FRYL: variants seen among roughly 807,000 people sequenced by gnomAD.
FRYL encodes the protein protein furry homolog-like.
Under a neutral mutation model 351.2 loss-of-function variants are expected in FRYL, and 150 were observed. The observed-to-expected ratio is 0.43, with a 90% CI of 0.37 to 0.49. The LOEUF (loss-of-function observed/expected upper bound fraction) is 0.49. FRYL is among the 20% of genes least tolerant of loss of function. The pLI is 0.00. For missense variants in FRYL, 3,036 were observed against 3,619.3 expected, an observed-to-expected ratio of 0.84 and a Z score of 4.13; for synonymous variants, 1,153 against 1,257.1, an observed-to-expected ratio of 0.92 and a Z score of 1.75.
At chr4:48,538,720 T>C (rs1472557182) in intron 47 of FRYL, among the ~76,000 whole-genome samples, 2 of 150,080 alleles carry the variant, frequency 1.3e-5, no homozygotes, top group African/African-American at 4.9e-5. Context: ...AAAACTTCCT[T>C]TTTTTTTTTC....
In FRYL at chr4:48,778,613, G is replaced by A. The variant is rs151091832; in HGVS notation, c.-384+1465C>T. On this transcript the variant is annotated intron_variant, in intron 1 of 63. Transcript: ENST00000358350. ...TTCACTAAGGCCTCTAACAAGGAATGTGCTATCTCTGATTTCCTCGGCAAG... is the reference window on the plus strand; with the variant it reads ...TTCACTAAGGCCTCTAACAAGGAATATGCTATCTCTGATTTCCTCGGCAAG... Among the ~76,000 whole-genome samples the A allele has an allele frequency of 2.6e-5, 4 of 152,338 alleles. No individual in the cohort carries two copies. The East Asian group carries it at 7.7e-4, about 29-fold the overall frequency.
chr4:48,578,877 C>A (rs1389358482), intron 23 of FRYL, 96 bp downstream of exon 23: 3 of 1,029,916 alleles, frequency 2.9e-6, no homozygotes, highest in South Asian at 1.6e-5. Flanking sequence ...TATTTATGGG[C>A]CTTCCAATCT....
intron 2 of FRYL, among the ~76,000 whole-genome samples, chr4:48,707,919 C>T (rs1171429367): frequency 6.6e-6 from 1 of 151,040 alleles, no homozygotes; most frequent in East Asian, 2.0e-4. Context: ...CTCCTGGGTT[C>T]AATTGATTCT....
chr4:48,592,672 CTTTA>C (rs1743677464), intron 16 of FRYL, among the ~76,000 whole-genome samples: 1 of 152,004 alleles, frequency 6.6e-6, no homozygotes, highest in African/African-American at 2.4e-5. Context: ...TAAATAAGAG[CTTTA>C]TTTTTTTCCT....
chr4:48,641,474 G>A (rs550019212), intron 3 of FRYL, among the ~76,000 whole-genome samples: 217 of 152,222 alleles, frequency 1.4e-3, no homozygotes, highest in African/African-American at 5.2e-3. Context: ...CAAAAGGCAG[G>A]GGAGAGGGTC....
chr4:48,716,747 T>C (rs1429996672), intron 1 of FRYL, among the ~76,000 whole-genome samples: 1 of 151,504 alleles, frequency 6.6e-6, no homozygotes, highest in Non-Finnish European at 1.5e-5. Context: ...AGAAATACCA[T>C]TTGACCTGGC....
intron 50 of FRYL, among the ~76,000 whole-genome samples, chr4:48,530,148 A>G (rs528954560): frequency 1.3e-5 from 2 of 152,252 alleles, no homozygotes; most frequent in East Asian, 1.9e-4. Flanking sequence ...CAACATGTCC[A>G]AGACGGAACT....
chr4:48,755,422 T>C (rs534281683), intron 1 of FRYL, among the ~76,000 whole-genome samples: 59 of 152,350 alleles, frequency 3.9e-4, no homozygotes, highest in African/African-American at 1.3e-3. Context: ...TTCTCTCCAG[T>C]TGTCACCAAT....
At chr4:48,646,768 A>G (rs1756564379) in intron 3 of FRYL, among the ~76,000 whole-genome samples, 2 of 152,164 alleles carry the variant, frequency 1.3e-5, no homozygotes, top group African/African-American at 4.8e-5. Context: ...CTATCAGAAG[A>G]GCTACAGCCA....
intron 3 of FRYL, among the ~76,000 whole-genome samples, chr4:48,649,288 A>C (rs960530469): frequency 2.6e-5 from 4 of 152,174 alleles, no homozygotes; most frequent in African/African-American, 9.7e-5. Context: ...AACTTTTCTC[A>C]TTGTGCAAAA....
chr4:48,779,515 C>T (rs764015618), intron 1 of FRYL, among the ~76,000 whole-genome samples: 64 of 151,896 alleles, frequency 4.2e-4, no homozygotes, highest in Non-Finnish European at 9.1e-4. Flanking sequence ...CGCGCTCCGC[C>T]GGTCCCCGCC....
At chr4:48,763,326 A>G (rs1774605760) in intron 1 of FRYL, among the ~76,000 whole-genome samples, 1 of 151,538 alleles carries the variant, frequency 6.6e-6, no homozygotes, top group Non-Finnish European at 1.5e-5. Context: ...GCTGGACATG[A>G]TGACATGCAA....
At chr4:48,582,438 C>G in intron 20 of FRYL, 59 bp downstream of exon 20, 1 of 1,018,412 alleles carries the variant, frequency 9.8e-7, no homozygotes, top group African/African-American at 1.6e-5. Context: ...GTATTAAAAC[C>G]ATTATTGGTC....
intron 7 of FRYL, among the ~76,000 whole-genome samples, chr4:48,614,849 C>T (rs1231625447): frequency 3.2e-5 from 3 of 94,118 alleles, no homozygotes; most frequent in East Asian, 7.3e-4. Context: ...TTTTTTGAGA[C>T]GGAGTCTCAC....
At chr4:48,623,534 C>A (rs1299961097) in intron 4 of FRYL, among the ~76,000 whole-genome samples, 3 of 152,154 alleles carry the variant, frequency 2.0e-5, no homozygotes, top group African/African-American at 4.8e-5. Flanking sequence ...AGTATGTGTT[C>A]TTTCTTTCAT....
At chr4:48,722,004 A>G (rs1285938812) in intron 1 of FRYL, among the ~76,000 whole-genome samples, 1 of 152,088 alleles carries the variant, frequency 6.6e-6, no homozygotes, top group Admixed American at 6.5e-5. Context: ...ATACATTTAG[A>G]TGGGTTTTTG....
intron 25 of FRYL, 78 bp from the exon 26 acceptor site, chr4:48,573,321 T>C (rs1738786348): frequency 5.4e-6 from 5 of 928,042 alleles, no homozygotes; most frequent in Admixed American, 1.9e-5. Context: ...AAAAACATGA[T>C]GTAAACTGAC....
chr4:48,656,725 TG>T (rs1759286607), intron 3 of FRYL, among the ~76,000 whole-genome samples: 6 of 33,136 alleles, frequency 1.8e-4, no homozygotes, highest in Non-Finnish European at 2.8e-4. Flanking sequence ...TATATATGAC[TG>T]ACTATATATA....
At chr4:48,775,877 A>C (rs375272595) in intron 1 of FRYL, among the ~76,000 whole-genome samples, 8 of 152,158 alleles carry the variant, frequency 5.3e-5, no homozygotes, top group African/African-American at 1.7e-4. Context: ...GTATCCTAAG[A>C]AAAGGTAAAA....
Sources: allele counts gnomAD v4.1 joint callset (sites outside exome capture counted in the v4.1 genomes callset), GRCh38; gene constraint gnomAD v4.1.1; transcripts MANE v1.5; gene names NCBI Gene and HGNC (gene_info 2026-07-23, HGNC 2026-07-21).